USP2: variants seen among roughly 807,000 people sequenced by gnomAD.
USP2 encodes the protein ubiquitin specific peptidase 2, also known as ubiquitin carboxyl-terminal hydrolase 2.
A neutral mutation model predicts 72.0 loss-of-function variants in USP2; 33 were observed. The observed-to-expected ratio is 0.46, with a 90% confidence interval of 0.35 to 0.61. The LOEUF is 0.61. USP2 is among the 20% of genes least tolerant of loss of function. USP2 has a pLI of 0.01. For synonymous variants in USP2, 296 were observed against 312.5 expected (o/e 0.95, Z 0.56); for missense variants, 691 against 797.8 (o/e 0.87, Z 1.61).
Position 119,372,782 on chromosome 11 carries a change from G to A in USP2, c.699C>T (p.Arg233=), listed in dbSNP as rs768074240. ...IISPTYRPIG[R]YTLWETGKGQ... ...CCTTTCCCGTCTCCCACAGCGTGTAGCGGCCAATGGGTCGGTAGGTTGGGC... is the reference window on the plus strand; with the variant it reads ...CCTTTCCCGTCTCCCACAGCGTGTAACGGCCAATGGGTCGGTAGGTTGGGC... The change falls in exon 2 of 13, where the codon CGC becomes CGT. Residue 233 remains arginine, a synonymous_variant. Transcript: ENST00000260187. The A allele has an allele frequency of 4.4e-6, 7 of 1,591,542 alleles. No individual in the cohort carries two copies. In the African/African-American group the frequency reaches 9.4e-5, roughly 21 times the overall value.
Position 119,356,938 on chromosome 11 carries a change from G to C in USP2, c.1731-16C>G. 1 of 1,552,632 alleles carries C rather than the reference G, an allele frequency of 6.4e-7. No individual in the cohort carries two copies. Among genetic ancestry groups the C allele is most frequent in the South Asian group, 1.2e-5 (1 of 84,224 alleles). The stretch of plus-strand genomic sequence containing the variant: ...GGGAGTGACGCTGCGGAGAGAGCGG[G>C]GAGTCAGCCCGGAGCGGGCAGGACC... On this transcript the variant is annotated splice_polypyrimidine_tract_variant and intron_variant, in intron 12 of 12. Transcript: ENST00000260187.
At chr11:119,363,146 C>G (rs1950789346) in intron 2 of USP2, among the ~76,000 whole-genome samples, 1 of 152,232 alleles carries the variant, frequency 6.6e-6, no homozygotes, top group Non-Finnish European at 1.5e-5. Context: ...TGGCACGGGG[C>G]AGGGCACGCA....
At chr11:119,369,604 A>G (rs748899829) in intron 2 of USP2, among the ~76,000 whole-genome samples, 2 of 152,054 alleles carry the variant, frequency 1.3e-5, no homozygotes, top group Non-Finnish European at 2.9e-5. Context: ...CTTAAGTTTA[A>G]ATGACCTCTT....
intron 1 of USP2, among the ~76,000 whole-genome samples, chr11:119,381,193 C>G (rs908258045): frequency 6.6e-6 from 1 of 151,952 alleles, no homozygotes; most frequent in East Asian, 1.9e-4. Flanking sequence ...CACATACCAC[C>G]GATATACACG....
intron 1 of USP2, chr11:119,379,286 TG>T: frequency 3.0e-6 from 3 of 984,566 alleles, no homozygotes; most frequent in Non-Finnish European, 3.6e-6. Flanking sequence ...CAAGGAGGTC[TG>T]TGAGGACTCT....
At chr11:119,372,358 T>C (rs1950938819) in intron 2 of USP2, among the ~76,000 whole-genome samples, 1 of 152,178 alleles carries the variant, frequency 6.6e-6, no homozygotes, top group South Asian at 2.1e-4. Flanking sequence ...CCCCCCCGCA[T>C]CCAGCCCAGG....
chr11:119,361,352 T>G (rs1057088096), intron 2 of USP2, among the ~76,000 whole-genome samples: 1 of 152,204 alleles, frequency 6.6e-6, no homozygotes, highest in Non-Finnish European at 1.5e-5. Flanking sequence ...TCTTGGCTAA[T>G]CCTGGGCATA....
chr11:119,373,149 C>G lies in USP2; in HGVS notation c.332G>C (p.Ser111Thr). ...GTTGGTCACTCCATAAGGGAATCCG[C>G]TGCCCCCGCTGAGGCCACTGCCTAA... ...RPLGSGLSGG[S>T]GFPYGVTNNC... is the part of the protein sequence containing the mutation. The change falls in exon 2 of 13, where the codon AGC becomes ACC. Residue 111 changes from serine (S) to threonine (T), a missense_variant. Coordinates refer to ENST00000260187, the MANE Select transcript of USP2 (RefSeq NM_004205.5). 6.2e-7 allele frequency: 1 copy of G among 1,614,156 alleles called. No individual in the cohort carries two copies. The highest frequency in any genetic ancestry group is 8.5e-7 in the Non-Finnish European group (1 of 1,180,040).
At chr11:119,364,010 G>T (rs1404591227) in intron 2 of USP2, 10 of 1,234,228 alleles carry the variant, frequency 8.1e-6, no homozygotes, top group Non-Finnish European at 1.0e-5. Flanking sequence ...GGGGGCGGGC[G>T]GCGGGCTTTG....
intron 1 of USP2, chr11:119,379,385 T>G: frequency 2.4e-6 from 2 of 833,080 alleles, no homozygotes; most frequent in Non-Finnish European, 2.9e-6. Context: ...GGGTGGAACT[T>G]GAGACAAAAA....
rs984301712 is a variant in USP2, at chr11:119,381,602, C to A, written c.-171G>T. ...GAGGGCTCCCCGGCCTCGGCTCCTG[C>A]CTGACTCTCTCCCACCTCCGCCGGG... is the stretch of plus-strand genomic sequence containing the variant. On this transcript the variant is annotated 5_prime_UTR_variant, in exon 1 of 13. Transcript: ENST00000260187. 3.3e-6 allele frequency: 5 copies of A among 1,504,544 alleles called. No homozygotes were observed. In the African/African-American group the frequency reaches 6.9e-5, roughly 21 times the overall value. The allele number at this position is 1,504,544 out of a possible 1,614,324, so 93.2% of individuals were successfully genotyped here.
At chr11:119,363,866 G>A in intron 2 of USP2, 1 of 1,423,896 alleles carries the variant, frequency 7.0e-7, no homozygotes, top group Non-Finnish European at 9.2e-7. Context: ...TTGTTGAGCA[G>A]GAGCCCCACG....
chr11:119,355,937 T>G lies in USP2; in HGVS notation c.*898A>C, dbSNP rs1426993164. 1 of 150,998 alleles carries G rather than the reference T, an allele frequency of 6.6e-6. No individual in the cohort carries two copies. Among genetic ancestry groups the G allele is most frequent in the Non-Finnish European group, 1.5e-5 (1 of 67,846 alleles). The allele number at this position is 150,998 out of a possible 1,614,324, so 9.4% of individuals were successfully genotyped here. The stretch of plus-strand genomic sequence containing the variant: ...TCCCAGGCGGGTTTGAACAGAGCAC[T>G]GGGGAAAAGGGAAGAGGCTGAGGGA... On this transcript the variant is annotated 3_prime_UTR_variant, in exon 13 of 13. Coordinates refer to ENST00000260187, the MANE Select transcript of USP2 (RefSeq NM_004205.5).
At chr11:119,363,932 C>A (rs1950807746) in intron 2 of USP2, 1 of 646,978 alleles carries the variant, frequency 1.5e-6, no homozygotes, top group Non-Finnish European at 1.8e-6. Flanking sequence ...AGCTCCTTGG[C>A]GAGGGCGGGA....
At chr11:119,377,922 G>T (rs1271543838) in intron 1 of USP2, among the ~76,000 whole-genome samples, 2 of 152,110 alleles carry the variant, frequency 1.3e-5, no homozygotes, top group African/African-American at 4.8e-5. Context: ...GCCCAGATCT[G>T]CTTGGCTTTC....
Position 119,357,553 on chromosome 11 carries a change from G to A in USP2, c.1539C>T (p.Ser513=), listed in dbSNP as rs1208173208. Residue 513 remains serine (S), a synonymous_variant, in exon 11 of 13, where the codon AGC becomes AGT. Transcript: ENST00000260187. ...GGAAGTTCACAAATGTTGTGAGCTTGCTGGTTCGGATCCTGGATTCTGAGA... is the reference window on the plus strand; with the variant it reads ...GGAAGTTCACAAATGTTGTGAGCTTACTGGTTCGGATCCTGGATTCTGAGA... ...KRFSESRIRT[S]KLTTFVNFPL... is the part of the protein sequence containing the mutation. 1.2e-6 allele frequency: 2 copies of A among 1,614,202 alleles called. No homozygotes were observed. Among genetic ancestry groups the A allele is most frequent in the Admixed American group, 1.7e-5 (1 of 60,032 alleles).
In USP2 at chr11:119,356,664, C is replaced by A; in HGVS notation, c.*171G>T. 1.5e-6 allele frequency: 1 copy of A among 661,268 alleles called. No homozygotes were observed. The highest frequency in any genetic ancestry group is 2.5e-6 in the Non-Finnish European group (1 of 399,528). 41.0% of individuals were successfully genotyped at this position (661,268 alleles called of 1,614,324 possible). A position where few individuals can be genotyped will look rare whatever the true frequency, so the allele number is the denominator to read the frequency against. ...CGGGCCACAGCTCAGGAAAGCCCGG[C>A]TCCTTGCTCCAGACCCTGATCAGGC... On this transcript the variant is annotated 3_prime_UTR_variant, in exon 13 of 13. Coordinates refer to ENST00000260187, the MANE Select transcript of USP2 (RefSeq NM_004205.5).
chr11:119,357,095 G>T, intron 12 of USP2, 92 bp downstream of exon 12: 3 of 1,199,732 alleles, frequency 2.5e-6, no homozygotes, highest in Non-Finnish European at 3.3e-6. Flanking sequence ...CGTGCGGGGG[G>T]TGGGAGGGGG....
chr11:119,369,508 C>T (rs933855108), intron 2 of USP2, among the ~76,000 whole-genome samples: 2 of 152,070 alleles, frequency 1.3e-5, no homozygotes, highest in Non-Finnish European at 2.9e-5. Flanking sequence ...TTTTTTACCT[C>T]TGTTTCTCCC....
Sources: allele counts gnomAD v4.1 joint callset (sites outside exome capture counted in the v4.1 genomes callset), GRCh38; gene constraint gnomAD v4.1.1; transcripts MANE v1.5; gene names NCBI Gene and HGNC (gene_info 2026-07-23, HGNC 2026-07-21).